CSMD1: variants seen among roughly 807,000 people sequenced by gnomAD.
CSMD1 encodes the protein CUB and sushi domain-containing protein 1.
CSMD1 carries 213 observed loss-of-function variants against 417.5 expected under a neutral mutation model. The ratio of observed to expected loss-of-function variants is 0.51; its 90% confidence interval spans 0.46 to 0.57. The LOEUF (loss-of-function observed/expected upper bound fraction) is 0.57. Among genes scored for constraint, CSMD1 ranks in the 20% least tolerant of loss-of-function variants. CSMD1 has a pLI of 0.00. For synonymous variants in CSMD1, 2,862 were observed against 1,736.8 expected, an observed-to-expected ratio of 1.65 and a Z score of -16.11; for missense variants, 6,923 against 4,529.7, an observed-to-expected ratio of 1.53 and a Z score of -15.17.
At chr8:3,537,850 T>A (rs941672778) in intron 10 of CSMD1, among the ~76,000 whole-genome samples, 1 of 152,254 alleles carries the variant, frequency 6.6e-6, no homozygotes, top group Admixed American at 6.5e-5. Flanking sequence ...TAAATACTTC[T>A]AAATTAATTC....
Position 4,220,355 on chromosome 8 carries a change from G to C in CSMD1, c.416-188256C>G, listed in dbSNP as rs549146941. ...GGTTAGCATGTACAACAGCAGGAAA[G>C]AGGACCACACCATGAGGAGGACCCA... On this transcript the variant is annotated intron_variant, in intron 3 of 69. Transcript: ENST00000635120. Among the ~76,000 whole-genome samples, 439 of 152,292 alleles carry C rather than the reference G, an allele frequency of 2.9e-3. 3 individuals carry two copies. Among genetic ancestry groups the C allele is most frequent in the Middle Eastern group, 0.014 (4 of 294 alleles).
chr8:4,876,166 C>T (rs1372870483), intron 1 of CSMD1, among the ~76,000 whole-genome samples: 1 of 151,948 alleles, frequency 6.6e-6, no homozygotes, highest in Non-Finnish European at 1.5e-5. Flanking sequence ...AGTCTATTTC[C>T]CTGCTGGGTA....
intron 3 of CSMD1, among the ~76,000 whole-genome samples, chr8:4,349,586 C>T (rs1008072101): frequency 1.3e-5 from 2 of 152,110 alleles, no homozygotes; most frequent in African/African-American, 4.8e-5. Flanking sequence ...CAACATTTAG[C>T]AACCAAATTG....
At chr8:4,651,664 T>C (rs139962962) in intron 1 of CSMD1, among the ~76,000 whole-genome samples, 2 of 152,332 alleles carry the variant, frequency 1.3e-5, no homozygotes, top group East Asian at 1.9e-4. Flanking sequence ...TCTCTTTCAA[T>C]TTCTGCCAGG....
chr8:3,797,443 C>T (rs991171341), intron 5 of CSMD1, among the ~76,000 whole-genome samples: 1 of 151,930 alleles, frequency 6.6e-6, no homozygotes, highest in Admixed American at 6.6e-5. Flanking sequence ...CCATCCCTTC[C>T]CTCCACAGGC....
chr8:3,394,123 T>C (rs1313658038), intron 17 of CSMD1, among the ~76,000 whole-genome samples: 5 of 141,536 alleles, frequency 3.5e-5, no homozygotes, highest in African/African-American at 1.0e-4. Context: ...AAGAATGCCT[T>C]ACGAAGCCTG....
intron 3 of CSMD1, among the ~76,000 whole-genome samples, chr8:4,187,815 T>C (rs1798775110): frequency 6.6e-6 from 1 of 151,770 alleles, no homozygotes; most frequent in Admixed American, 6.6e-5. Context: ...TTTTCCAAAA[T>C]CACAGTTTCA....
intron 10 of CSMD1, among the ~76,000 whole-genome samples, chr8:3,528,019 T>C (rs559934673): frequency 6.6e-6 from 1 of 152,216 alleles, no homozygotes; most frequent in East Asian, 1.9e-4. Flanking sequence ...CAACCAAAAC[T>C]GTCTCCAGCC....
At chr8:3,943,081 C>A (rs1259325021) in intron 5 of CSMD1, among the ~76,000 whole-genome samples, 1 of 151,792 alleles carries the variant, frequency 6.6e-6, no homozygotes. Context: ...TCTCTATTAC[C>A]CCACATTACC....
chr8:4,798,007 G>C lies in CSMD1; in HGVS notation c.86-160449C>G, dbSNP rs531610058. ...GCAAAATTATTCCAGCCAAAATCTC[G>C]AAGCATTTTTATTTTTTTATTATAC... On this transcript the variant is annotated intron_variant, in intron 1 of 69. Transcript: ENST00000635120. 5.3e-5 allele frequency among the ~76,000 whole-genome samples: 8 copies of C among 152,228 alleles called. No homozygotes were observed. In the East Asian group the frequency reaches 1.5e-3, roughly 29 times the overall value.
Position 4,303,695 on chromosome 8 carries a change from G to A in CSMD1, c.415+116258C>T, listed in dbSNP as rs112305475. On this transcript the variant is annotated intron_variant, in intron 3 of 69. Transcript: ENST00000635120. ...TTTTGAGATGTAGTCTTGCTCTCTT[G>A]CCCAGACTGGAGCTCACTGTCATTA... 1.1e-3 allele frequency among the ~76,000 whole-genome samples: 173 copies of A among 151,658 alleles called. 1 individual carries two copies. The highest frequency in any genetic ancestry group is 4.1e-3 in the African/African-American group (170 of 41,348).
At chr8:4,470,827 G>T (rs1034482562) in intron 2 of CSMD1, among the ~76,000 whole-genome samples, 79 of 152,264 alleles carry the variant, frequency 5.2e-4, no homozygotes, top group Non-Finnish European at 1.9e-4. Flanking sequence ...CTGAATCGAT[G>T]TTGTCTCTGG....
At chr8:2,942,024 T>A (rs1434548678) in intron 69 of CSMD1, among the ~76,000 whole-genome samples, 1 of 152,138 alleles carries the variant, frequency 6.6e-6, no homozygotes, top group South Asian at 2.1e-4. Flanking sequence ...GCTTAAAAAG[T>A]AGGGCAGAAA....
In CSMD1 at chr8:3,956,446, G is replaced by C. The variant is rs138808149; in HGVS notation, c.818+41457C>G. Among the ~76,000 whole-genome samples, 529 of 152,254 alleles carry C rather than the reference G, an allele frequency of 3.5e-3. 2 individuals carry two copies. Among genetic ancestry groups the C allele is most frequent in the African/African-American group, 0.011 (476 of 41,542 alleles). The stretch of plus-strand genomic sequence containing the variant: ...TGTTTAGCCACTATGCTGTTGCCTT[G>C]TGATAGCTTGAGTTTCATAATCATC... On this transcript the variant is annotated intron_variant, in intron 5 of 69. Transcript: ENST00000635120.
chr8:4,334,216 C>A (rs927052356), intron 3 of CSMD1, among the ~76,000 whole-genome samples: 1 of 151,974 alleles, frequency 6.6e-6, no homozygotes, highest in South Asian at 2.1e-4. Flanking sequence ...CCTTAAAATT[C>A]TGTTTGTATC....
intron 3 of CSMD1, among the ~76,000 whole-genome samples, chr8:4,307,895 G>A (rs1798337056): frequency 6.6e-6 from 1 of 152,182 alleles, no homozygotes. Context: ...AGAGGAGGCA[G>A]CAGAGGCACG....
Position 4,743,822 on chromosome 8 carries a change from T to C in CSMD1, c.86-106264A>G, listed in dbSNP as rs117555564. 1.4e-3 allele frequency among the ~76,000 whole-genome samples: 219 copies of C among 152,302 alleles called. 4 individuals are homozygous for C. In the East Asian group the frequency reaches 0.037, roughly 26 times the overall value. On this transcript the variant is annotated intron_variant, in intron 1 of 69. Transcript: ENST00000635120. Reference sequence around the variant, plus strand: ...CTCAGGTGCTATGAAAACCTCTTTATCGCAAAAGCAAGCTTCTTGCGGTCC... The same window carrying C: ...CTCAGGTGCTATGAAAACCTCTTTACCGCAAAAGCAAGCTTCTTGCGGTCC...
At chr8:3,404,912 T>TC (rs1183649028) in intron 15 of CSMD1, among the ~76,000 whole-genome samples, 28 of 152,294 alleles carry the variant, frequency 1.8e-4, no homozygotes. Context: ...TTCCAACTCT[T>TC]CACTGCTATA....
intron 7 of CSMD1, among the ~76,000 whole-genome samples, chr8:3,618,380 T>C (rs535322351): frequency 8.9e-4 from 136 of 152,324 alleles, no homozygotes; most frequent in Non-Finnish European, 1.5e-3. Context: ...TTCTATTGAA[T>C]ATATTATGTG....
Sources: allele counts gnomAD v4.1 joint callset (sites outside exome capture counted in the v4.1 genomes callset), GRCh38; gene constraint gnomAD v4.1.1; transcripts MANE v1.5; gene names NCBI Gene and HGNC (gene_info 2026-07-23, HGNC 2026-07-21).